ABCA13: variants seen among roughly 807,000 people sequenced by gnomAD.
The protein encoded by ABCA13 is ATP binding cassette subfamily A member 13, also known as ATP-binding cassette sub-family A member 13.
In ABCA13, 476 loss-of-function variants were observed where a neutral mutation model predicts 478.7. The observed-to-expected ratio is 0.99, with a 90% confidence interval of 0.92 to 1.07. The LOEUF is 1.07. Among genes scored for constraint, ABCA13 ranks in the 50% least tolerant of loss-of-function variants. The probability of loss-of-function intolerance (pLI) is 0.00; values close to 1 mark genes in which losing one functional copy is unlikely to be tolerated. For missense variants in ABCA13, 6,060 were observed against 5,910.6 expected (o/e 1.03, Z -0.83); for synonymous variants, 2,252 against 2,158.9 (o/e 1.04, Z -1.20).
At chr7:48,302,415 G>T (rs1482483603) in intron 23 of ABCA13, among the ~76,000 whole-genome samples, 1 of 152,140 alleles carries the variant, frequency 6.6e-6, no homozygotes, top group East Asian at 1.9e-4. Context: ...GTGTCAGGGG[G>T]TTTGTAGTAC....
intron 27 of ABCA13, among the ~76,000 whole-genome samples, chr7:48,332,923 C>A (rs1369233022): frequency 6.6e-6 from 1 of 152,106 alleles, no homozygotes; most frequent in Non-Finnish European, 1.5e-5. Flanking sequence ...GTAGATTTCT[C>A]TCAGTTTATC....
intron 1 of ABCA13, among the ~76,000 whole-genome samples, chr7:48,189,386 AC>A (rs1156834717): frequency 1.9e-4 from 29 of 152,378 alleles, no homozygotes; most frequent in African/African-American, 6.7e-4. Flanking sequence ...GGAAAATGAC[AC>A]AGCAGAACTG....
chr7:48,238,094 C>T (rs774885267), intron 8 of ABCA13, among the ~76,000 whole-genome samples: 4 of 152,128 alleles, frequency 2.6e-5, no homozygotes, highest in Non-Finnish European at 4.4e-5. Flanking sequence ...TCAATTCAGG[C>T]TGTTATAACA....
At chr7:48,368,747 T>TTC (rs1285646644) in intron 32 of ABCA13, among the ~76,000 whole-genome samples, 3 of 135,962 alleles carry the variant, frequency 2.2e-5, no homozygotes, top group Non-Finnish European at 4.8e-5. Flanking sequence ...ATATATACAT[T>TTC]TATATATATA....
chr7:48,385,737 T>TTA (rs1815078957), intron 35 of ABCA13, among the ~76,000 whole-genome samples: 1 of 152,198 alleles, frequency 6.6e-6, no homozygotes, highest in Admixed American at 6.5e-5. Flanking sequence ...AACCACCACC[T>TTA]GTCTTCCACA....
chr7:48,275,239 T>C lies in ABCA13; in HGVS notation c.5573T>C (p.Ile1858Thr), dbSNP rs755771684. The C allele has an allele frequency of 6.2e-7, 1 of 1,613,822 alleles. No individual in the cohort carries two copies. Among genetic ancestry groups the C allele is most frequent in the Non-Finnish European group, 8.5e-7 (1 of 1,179,878 alleles). ...TCCTTTTATGGCAAAGTGGCCAGTA[T>C]ACTTGATCATTTCCACCTGTCTCCC... ...SSSFYGKVAS[I>T]LDHFHLSPQG... The change falls in exon 17 of 62, where the codon ATA (isoleucine) becomes ACA (threonine). Residue 1858 changes from isoleucine (I) to threonine (T), a missense_variant. Transcript: ENST00000435803.
At position 48,403,754 on chromosome 7, in the gene ABCA13, G is replaced by C; in HGVS notation, c.11945G>C (p.Arg3982Thr). The change falls in exon 39 of 62, where the codon AGG (arginine) becomes ACG (threonine). Residue 3982 changes from arginine (R) to threonine (T), a missense_variant. Physicochemically the swap from Arg to Thr is moderately conservative, Grantham distance 71. This residue lies in a region of ABCA13 where 1,627 missense variants were observed against 1,571.0 expected (regional missense o/e 1.04). Transcript: ENST00000435803. ...CGAGCTCTGTCTGGAGGCCTGAAGAGGAAGCTCTCCCTTGGCATTGCTTTC... is the reference window on the plus strand; with the variant it reads ...CGAGCTCTGTCTGGAGGCCTGAAGACGAAGCTCTCCCTTGGCATTGCTTTC... ...QTRALSGGLK[R>T]KLSLGIAFMG... The C allele has an allele frequency of 6.2e-7, 1 of 1,613,992 alleles. No homozygotes were observed.
chr7:48,317,601 G>C (rs903920841), intron 27 of ABCA13, among the ~76,000 whole-genome samples: 1 of 152,192 alleles, frequency 6.6e-6, no homozygotes, highest in Non-Finnish European at 1.5e-5. Flanking sequence ...AGGACTGTTT[G>C]GAGTAATTCC....
chr7:48,507,750 C>T, intron 49 of ABCA13, 122 bp from the exon 50 acceptor site: 1 of 1,168,584 alleles, frequency 8.6e-7, no homozygotes, highest in Non-Finnish European at 1.2e-6. Flanking sequence ...AGCCAACATG[C>T]CTGGCTGATT....
chr7:48,584,663 G>A (rs1789003146), intron 56 of ABCA13, among the ~76,000 whole-genome samples: 1 of 152,098 alleles, frequency 6.6e-6, no homozygotes, highest in Non-Finnish European at 1.5e-5. Flanking sequence ...TGGAATAATT[G>A]GGTAAATCAT....
At chr7:48,510,969 G>A in intron 50 of ABCA13, 115 bp from the exon 51 acceptor site, 4 of 876,106 alleles carry the variant, frequency 4.6e-6, no homozygotes, top group Non-Finnish European at 7.2e-6. Context: ...AACTCCTAAT[G>A]TGCAAAATAG....
At chr7:48,580,401 A>T in intron 56 of ABCA13, 27 bp downstream of exon 56, 1 of 1,599,974 alleles carries the variant, frequency 6.3e-7, no homozygotes, top group Non-Finnish European at 8.5e-7. Context: ...TCTTCTAGAT[A>T]AAGGGACCCA....
chr7:48,517,156 C>T (rs770995506), intron 52 of ABCA13, among the ~76,000 whole-genome samples: 3 of 152,136 alleles, frequency 2.0e-5, no homozygotes, highest in Admixed American at 6.6e-5. Context: ...TGTTCACTGC[C>T]GCATCCCTAG....
At chr7:48,520,798 T>C (rs760469335) in intron 53 of ABCA13, among the ~76,000 whole-genome samples, 5 of 152,192 alleles carry the variant, frequency 3.3e-5, no homozygotes, top group Non-Finnish European at 7.3e-5. Flanking sequence ...TGAGAACATA[T>C]TTTCACTTTG....
chr7:48,380,299 T>A (rs1814146370), intron 35 of ABCA13, among the ~76,000 whole-genome samples: 1 of 152,228 alleles, frequency 6.6e-6, no homozygotes, highest in South Asian at 2.1e-4. Flanking sequence ...TTAAAAGCAA[T>A]CTTCACATCT....
chr7:48,205,649 A>T (rs1784831873), intron 3 of ABCA13, among the ~76,000 whole-genome samples: 1 of 152,172 alleles, frequency 6.6e-6, no homozygotes. Flanking sequence ...TTGGAGTTGC[A>T]TTGCATCTTG....
chr7:48,348,331 C>A (rs1421705389), intron 29 of ABCA13, among the ~76,000 whole-genome samples: 1 of 151,942 alleles, frequency 6.6e-6, no homozygotes, highest in African/African-American at 2.4e-5. Flanking sequence ...CGCTGTGGAT[C>A]CTTCTAGCTC....
chr7:48,355,469 A>G lies in ABCA13; in HGVS notation c.10688+2982A>G, dbSNP rs753028725. The stretch of plus-strand genomic sequence containing the variant: ...CATGGTTGCAGGTGACTGGAGTGGT[A>G]TTAAAAGACTGCTGGAGAGTTTCGA... On this transcript the variant is annotated intron_variant, in intron 31 of 61. Transcript: ENST00000435803. 7.0e-4 allele frequency among the ~76,000 whole-genome samples: 107 copies of G among 152,012 alleles called. 2 individuals carry two copies. The highest frequency in any genetic ancestry group is 1.2e-3 in the Non-Finnish European group (84 of 68,034).
At chr7:48,615,254 G>T in intron 58 of ABCA13, 31 bp from the exon 59 acceptor site, 1 of 1,296,848 alleles carries the variant, frequency 7.7e-7, no homozygotes. Context: ...TCAGGAAATG[G>T]CTCATTTTTG....
Sources: gnomAD v4.1 joint callset for allele counts (sites outside exome capture counted in the v4.1 genomes callset) on GRCh38, gnomAD v4.1.1 for gene constraint, gnomAD v4.1.1 regional missense constraint, MANE v1.5 for transcripts, NCBI Gene and HGNC (gene_info 2026-07-23, HGNC 2026-07-21) for gene names.